Variants in ATF6 observed in about 807,000 individuals in gnomAD.
ATF6 encodes activating transcription factor 6.
A neutral mutation model predicts 83.6 loss-of-function variants in ATF6; 53 were observed. That is an observed-to-expected ratio of 0.63 (90% confidence interval 0.51 to 0.80). The LOEUF is 0.80. ATF6 is among the 30% of genes least tolerant of loss of function. ATF6 has a pLI of 0.00. For synonymous variants in ATF6, 288 were observed against 285.8 expected, an observed-to-expected ratio of 1.01 and a Z score of -0.08; for missense variants, 744 against 797.9, an observed-to-expected ratio of 0.93 and a Z score of 0.81.
At chr1:161,785,804 A>G (rs1684733208) in intron 4 of ATF6, among the ~76,000 whole-genome samples, 1 of 152,204 alleles carries the variant, frequency 6.6e-6, no homozygotes, top group Non-Finnish European at 1.5e-5. Flanking sequence ...TTACATCCTC[A>G]TCAGCAGTAT....
intron 7 of ATF6, among the ~76,000 whole-genome samples, chr1:161,815,620 A>C (rs1685595207): frequency 6.6e-6 from 1 of 152,124 alleles, no homozygotes; most frequent in Admixed American, 6.5e-5. Flanking sequence ...TTTATCAATC[A>C]ATAAGGTTTT....
intron 15 of ATF6, among the ~76,000 whole-genome samples, chr1:161,938,917 C>T (rs1380053801): frequency 1.3e-5 from 2 of 152,052 alleles, no homozygotes; most frequent in African/African-American, 2.4e-5. Context: ...TTTAGTTTCC[C>T]CTCCAGTCAC....
chr1:161,817,652 C>T (rs764938018), intron 7 of ATF6, among the ~76,000 whole-genome samples: 10 of 152,068 alleles, frequency 6.6e-5, no homozygotes, highest in Admixed American at 2.0e-4. Flanking sequence ...AAAAAACACC[C>T]TTTTTGACAT....
chr1:161,792,387 A>C, intron 6 of ATF6, 60 bp downstream of exon 6: 1 of 1,486,572 alleles, frequency 6.7e-7, no homozygotes, highest in South Asian at 1.2e-5. Context: ...GGGTTGTGTC[A>C]TATGATTTGT....
At chr1:161,790,107 A>G (rs912448979) in intron 4 of ATF6, among the ~76,000 whole-genome samples, 5 of 152,102 alleles carry the variant, frequency 3.3e-5, no homozygotes, top group Admixed American at 6.5e-5. Flanking sequence ...TATTTTTCGC[A>G]AATATTTTCT....
chr1:161,925,635 A>C (rs1205375276), intron 15 of ATF6, among the ~76,000 whole-genome samples: 3 of 152,194 alleles, frequency 2.0e-5, no homozygotes, highest in Non-Finnish European at 2.9e-5. Context: ...AGGCTTCTTA[A>C]GGTTAGGACC....
chr1:161,958,876 A>G lies in ATF6; in HGVS notation c.*222A>G. On this transcript the variant is annotated 3_prime_UTR_variant, in exon 16 of 16. Transcript: ENST00000367942. ...AGATGCAAGAGAACAATGTTTCTTC[A>G]GTGGCAAATGTAGCCCTGCATCCTC... is the stretch of plus-strand genomic sequence containing the variant. 2.2e-6 allele frequency: 1 copy of G among 455,678 alleles called. No individual in the cohort carries two copies. Among genetic ancestry groups the G allele is most frequent in the African/African-American group, 2.0e-5 (1 of 50,890 alleles). The allele number at this position is 455,678 out of a possible 1,614,324, so 28.2% of individuals were successfully genotyped here.
intron 7 of ATF6, among the ~76,000 whole-genome samples, chr1:161,813,192 A>G (rs1230729027): frequency 1.3e-5 from 2 of 152,192 alleles, no homozygotes; most frequent in Admixed American, 6.5e-5. Flanking sequence ...AAAAATTAAG[A>G]TAGTTTTAAG....
chr1:161,925,581 T>C (rs1370915476), intron 15 of ATF6, among the ~76,000 whole-genome samples: 1 of 152,210 alleles, frequency 6.6e-6, no homozygotes, highest in African/African-American at 2.4e-5. Flanking sequence ...AACATTCATC[T>C]TACTTGTAAT....
At chr1:161,880,611 C>T (rs1687303258) in intron 14 of ATF6, among the ~76,000 whole-genome samples, 1 of 152,072 alleles carries the variant, frequency 6.6e-6, no homozygotes, top group African/African-American at 2.4e-5. Flanking sequence ...AGTAGTTCGT[C>T]TTTACTGCTA....
At chr1:161,774,060 TG>T (rs1684459609) in intron 1 of ATF6, among the ~76,000 whole-genome samples, 1 of 152,300 alleles carries the variant, frequency 6.6e-6, no homozygotes, top group Admixed American at 6.5e-5. Context: ...GCAGATAATA[TG>T]AAACTCCTAA....
At chr1:161,782,864 A>T (rs1684669089) in intron 3 of ATF6, among the ~76,000 whole-genome samples, 1 of 152,224 alleles carries the variant, frequency 6.6e-6, no homozygotes, top group South Asian at 2.1e-4. Flanking sequence ...TCTATGGGTC[A>T]CGAATTTTGA....
At chr1:161,926,922 CAT>C (rs201657381) in intron 15 of ATF6, among the ~76,000 whole-genome samples, 95,511 of 151,590 alleles carry the variant, frequency 0.63, 31,841 homozygotes, top group Non-Finnish European at 0.75. Flanking sequence ...ACGTTGCAGT[CAT>C]TGCTTAGTTT....
chr1:161,791,208 TTTGAG>T (rs1216667218), intron 4 of ATF6, among the ~76,000 whole-genome samples, 195 bp from the exon 5 acceptor site: 2 of 152,082 alleles, frequency 1.3e-5, no homozygotes, highest in Non-Finnish European at 2.9e-5. Flanking sequence ...TACTCTGCAT[TTTGAG>T]TTATTTTTCC....
intron 14 of ATF6, among the ~76,000 whole-genome samples, chr1:161,886,220 A>C (rs1411909380): frequency 1.3e-5 from 2 of 152,210 alleles, no homozygotes; most frequent in African/African-American, 2.4e-5. Context: ...GAAATAAAAG[A>C]TGGCAGGGTC....
At chr1:161,905,981 T>C (rs918715161) in intron 14 of ATF6, among the ~76,000 whole-genome samples, 3 of 152,204 alleles carry the variant, frequency 2.0e-5, no homozygotes, top group Admixed American at 6.5e-5. Flanking sequence ...CACAGGCGCC[T>C]GCCACCACGC....
chr1:161,882,673 C>T (rs1398569808), intron 14 of ATF6, among the ~76,000 whole-genome samples: 11 of 148,996 alleles, frequency 7.4e-5, no homozygotes, highest in African/African-American at 1.7e-4. Context: ...TTTTTAGTTT[C>T]GTGGAGAAAT....
intron 7 of ATF6, among the ~76,000 whole-genome samples, chr1:161,806,604 T>C (rs1685288954): frequency 6.6e-6 from 1 of 152,162 alleles, no homozygotes; most frequent in South Asian, 2.1e-4. Context: ...AGGAGTCTCC[T>C]TCCTTCCGGC....
intron 15 of ATF6, among the ~76,000 whole-genome samples, chr1:161,956,529 A>G (rs539940986): frequency 2.0e-5 from 3 of 152,364 alleles, no homozygotes; most frequent in South Asian, 2.1e-4. Context: ...TTCTGTAAAG[A>G]TAAGTAATAG....
Sources: gnomAD v4.1 joint callset for allele counts (sites outside exome capture counted in the v4.1 genomes callset) on GRCh38, gnomAD v4.1.1 for gene constraint, MANE v1.5 for transcripts, NCBI Gene and HGNC (gene_info 2026-07-23, HGNC 2026-07-21) for gene names.